Variants in PLXDC2 observed in about 807,000 individuals in gnomAD.
The protein encoded by PLXDC2 is plexin domain containing 2.
Under a neutral mutation model 68.9 loss-of-function variants are expected in PLXDC2, and 40 were observed. The observed-to-expected ratio is 0.58, with a 90% confidence interval of 0.45 to 0.76. The LOEUF (loss-of-function observed/expected upper bound fraction) is 0.76. Among genes scored for constraint, PLXDC2 ranks in the 30% least tolerant of loss-of-function variants. The pLI is 0.00. For synonymous variants in PLXDC2, 243 were observed against 234.2 expected (o/e 1.04, Z -0.34); for missense variants, 644 against 661.9 (o/e 0.97, Z 0.30).
At chr10:20,250,271 CAAA>C (rs35463564) in intron 13 of PLXDC2, among the ~76,000 whole-genome samples, 6 of 108,462 alleles carry the variant, frequency 5.5e-5, no homozygotes, top group East Asian at 3.3e-4. Flanking sequence ...GATCCTGTTT[CAAA>C]AAAAAAAAAA....
chr10:20,189,008 G>T (rs1424905690), intron 9 of PLXDC2, among the ~76,000 whole-genome samples: 3 of 118,106 alleles, frequency 2.5e-5, no homozygotes, highest in South Asian at 2.4e-4. Context: ...TTTATAATCA[G>T]TTTTTTTTTT....
intron 1 of PLXDC2, among the ~76,000 whole-genome samples, chr10:19,959,915 G>A (rs756726917): frequency 6.6e-6 from 1 of 152,074 alleles, no homozygotes; most frequent in Non-Finnish European, 1.5e-5. Flanking sequence ...TCAGAGTTCT[G>A]TCACCTACCT....
intron 9 of PLXDC2, among the ~76,000 whole-genome samples, chr10:20,189,827 G>A (rs796516667): frequency 6.6e-6 from 1 of 151,094 alleles, no homozygotes; most frequent in African/African-American, 2.4e-5. Flanking sequence ...TTTGCATTTT[G>A]GTCTCTGTCT....
chr10:19,943,557 C>T (rs1833853141), intron 1 of PLXDC2, among the ~76,000 whole-genome samples: 1 of 152,174 alleles, frequency 6.6e-6, no homozygotes, highest in Non-Finnish European at 1.5e-5. Context: ...ATTTATTGGT[C>T]AAGACCTGTT....
At chr10:20,279,089 T>C (rs1836047264) in intron 13 of PLXDC2, among the ~76,000 whole-genome samples, 1 of 152,204 alleles carries the variant, frequency 6.6e-6, no homozygotes, top group South Asian at 2.1e-4. Flanking sequence ...CCTCTGATAA[T>C]AGATTCCATT....
chr10:19,963,782 C>T (rs972117493), intron 1 of PLXDC2, among the ~76,000 whole-genome samples: 2 of 151,804 alleles, frequency 1.3e-5, no homozygotes, highest in African/African-American at 4.8e-5. Context: ...CACATGTATA[C>T]ATATGTAACA....
At chr10:20,136,646 G>A (rs552949900) in intron 4 of PLXDC2, among the ~76,000 whole-genome samples, 1 of 152,196 alleles carries the variant, frequency 6.6e-6, no homozygotes, top group Non-Finnish European at 1.5e-5. Context: ...AGATCTATTT[G>A]ATTAATATGT....
rs143245804 is a variant in PLXDC2 at position 20,207,979 on chromosome 10, A to G, written c.1062-3690A>G. 2.3e-3 allele frequency among the ~76,000 whole-genome samples: 355 copies of G among 152,252 alleles called. 10 individuals carry two copies. The East Asian group carries it at 0.064, about 27-fold the overall frequency. On this transcript the variant is annotated intron_variant, in intron 9 of 13. Transcript: ENST00000377252. ...CTGGCAAGGGTTCTTAGAAAGAGCT[A>G]TCATGTGGACTCATTGCAAAACAAG...
At chr10:20,130,004 G>A (rs1833846284) in intron 4 of PLXDC2, among the ~76,000 whole-genome samples, 1 of 151,852 alleles carries the variant, frequency 6.6e-6, no homozygotes, top group Non-Finnish European at 1.5e-5. Flanking sequence ...GCCTTTTGTG[G>A]TTCCATATGA....
intron 1 of PLXDC2, among the ~76,000 whole-genome samples, chr10:19,930,118 TG>T (rs1236790814): frequency 6.6e-6 from 1 of 152,182 alleles, no homozygotes; most frequent in Non-Finnish European, 1.5e-5. Flanking sequence ...AATTTTAAGT[TG>T]CCCAAATTCC....
At chr10:20,077,157 T>G (rs1171706102) in intron 4 of PLXDC2, among the ~76,000 whole-genome samples, 1 of 152,178 alleles carries the variant, frequency 6.6e-6, no homozygotes, top group Non-Finnish European at 1.5e-5. Context: ...CCAGGTAGCC[T>G]TTTAGCCTTG....
intron 3 of PLXDC2, among the ~76,000 whole-genome samples, chr10:20,050,745 T>G (rs536599302): frequency 8.6e-5 from 13 of 151,534 alleles, no homozygotes; most frequent in African/African-American, 3.1e-4. Context: ...CAGATGCTGG[T>G]GAGGCTGCAG....
chr10:19,966,251 T>C (rs1834247599), intron 1 of PLXDC2, among the ~76,000 whole-genome samples: 1 of 121,968 alleles, frequency 8.2e-6, no homozygotes, highest in African/African-American at 4.0e-5. Flanking sequence ...TAGATATGTG[T>C]ATATAGTATG....
intron 1 of PLXDC2, among the ~76,000 whole-genome samples, chr10:19,926,756 G>A (rs1242632521): frequency 2.0e-5 from 3 of 152,144 alleles, no homozygotes; most frequent in East Asian, 1.9e-4. Context: ...GAGAAAGCAC[G>A]TAGTTTCAGT....
At chr10:20,097,951 G>T (rs1054750164) in intron 4 of PLXDC2, among the ~76,000 whole-genome samples, 10 of 148,184 alleles carry the variant, frequency 6.7e-5, no homozygotes, top group Non-Finnish European at 1.3e-4. Flanking sequence ...TATTTATATA[G>T]TATTATATAT....
At chr10:19,985,753 G>A (rs1247290869) in intron 1 of PLXDC2, among the ~76,000 whole-genome samples, 1 of 152,190 alleles carries the variant, frequency 6.6e-6, no homozygotes, top group African/African-American at 2.4e-5. Flanking sequence ...AATCTATTTT[G>A]AAGTCAATAA....
At chr10:19,891,532 C>T (rs1396434816) in intron 1 of PLXDC2, among the ~76,000 whole-genome samples, 1 of 152,178 alleles carries the variant, frequency 6.6e-6, no homozygotes, top group African/African-American at 2.4e-5. Flanking sequence ...TGCTCCTTAA[C>T]TCCTCAAGCA....
At chr10:19,913,948 A>G (rs1395520019) in intron 1 of PLXDC2, among the ~76,000 whole-genome samples, 1 of 152,106 alleles carries the variant, frequency 6.6e-6, no homozygotes, top group African/African-American at 2.4e-5. Flanking sequence ...ACACACAGAC[A>G]CAAGCACATA....
intron 9 of PLXDC2, among the ~76,000 whole-genome samples, chr10:20,194,941 C>T: frequency 6.6e-6 from 1 of 151,966 alleles, no homozygotes; most frequent in East Asian, 1.9e-4. Flanking sequence ...TGCTTCTCTT[C>T]TTGTAGTCCC....
Sources: allele counts gnomAD v4.1 joint callset (sites outside exome capture counted in the v4.1 genomes callset), GRCh38; gene constraint gnomAD v4.1.1; transcripts MANE v1.5; gene names NCBI Gene and HGNC (gene_info 2026-07-23, HGNC 2026-07-21).